TPTE2: variants seen among roughly 807,000 people sequenced by gnomAD.
TPTE2 encodes the protein phosphatidylinositol 3,4,5-trisphosphate 3-phosphatase TPTE2.
Under a neutral mutation model 78.6 loss-of-function variants are expected in TPTE2, and 53 were observed. The observed-to-expected ratio is 0.67, with a 90% CI of 0.54 to 0.85. TPTE2 has a LOEUF of 0.85. Among genes scored for constraint, TPTE2 ranks in the 40% least tolerant of loss-of-function variants. The pLI is 0.00. For missense variants in TPTE2, 461 were observed against 623.0 expected, an observed-to-expected ratio of 0.74 and a Z score of 2.77; for synonymous variants, 175 against 206.2, an observed-to-expected ratio of 0.85 and a Z score of 1.30.
At chr13:19,514,592 A>AGTGTGT (rs151110694) in intron 1 of TPTE2, among the ~76,000 whole-genome samples, 3,756 of 126,788 alleles carry the variant, frequency 0.03, 183 homozygotes, top group African/African-American at 0.073. Context: ...TACTTCTGAG[A>AGTGTGT]GTGTGTGTGT....
chr13:19,510,391 G>C (rs1490026322), intron 1 of TPTE2, among the ~76,000 whole-genome samples: 1 of 149,536 alleles, frequency 6.7e-6, no homozygotes, highest in Non-Finnish European at 1.5e-5. Flanking sequence ...GAACTGACAC[G>C]TGCAGAGATC....
chr13:19,444,487 A>C (rs1877705605), intron 13 of TPTE2, among the ~76,000 whole-genome samples: 1 of 152,148 alleles, frequency 6.6e-6, no homozygotes, highest in South Asian at 2.1e-4. Flanking sequence ...AAATCTAAGA[A>C]TAAATCTCAC....
At chr13:19,484,491 G>A (rs1424745043) in intron 3 of TPTE2, among the ~76,000 whole-genome samples, 2 of 152,128 alleles carry the variant, frequency 1.3e-5, no homozygotes, top group African/African-American at 2.4e-5. Context: ...TTTGGTCTAT[G>A]GTGGAGTTTA....
At chr13:19,536,697 C>T (rs1195178654) in exon 1 of TPTE2, 1 of 151,958 alleles carries the variant, frequency 6.6e-6, no homozygotes, top group Non-Finnish European at 1.5e-5. Flanking sequence ...AAGGATAAAC[C>T]ACAATTTATT....
the TPTE2 span, among the ~76,000 whole-genome samples, chr13:19,546,256 C>T: frequency 6.6e-6 from 1 of 151,994 alleles, no homozygotes; most frequent in African/African-American, 2.4e-5. Context: ...CATTTCCCAG[C>T]CCCTATTGGG....
upstream of TPTE2, among the ~76,000 whole-genome samples, chr13:19,540,366 G>A (rs35770706): frequency 1.3e-4 from 19 of 151,176 alleles, no homozygotes; most frequent in East Asian, 2.9e-3. Flanking sequence ...CAGTGGCGGC[G>A]TAATCTCAGC....
chr13:19,468,062 A>G (rs865864746), intron 6 of TPTE2, among the ~76,000 whole-genome samples: 24 of 77,496 alleles, frequency 3.1e-4, no homozygotes, highest in African/African-American at 1.2e-3. Context: ...TTTTTTTGAG[A>G]TGGAGTTTCA....
At chr13:19,467,444 T>A in intron 6 of TPTE2, 100 bp from the exon 10 acceptor site, 1 of 891,176 alleles carries the variant, frequency 1.1e-6, no homozygotes, top group Non-Finnish European at 1.6e-6. Context: ...CCATTAAGAA[T>A]TCTACTATCA....
chr13:19,453,848 T>G (rs183500255), intron 10 of TPTE2, among the ~76,000 whole-genome samples: 1 of 152,298 alleles, frequency 6.6e-6, no homozygotes, highest in East Asian at 1.9e-4. Flanking sequence ...TTTTTCTCAA[T>G]AGCTCAGCCT....
exon 20 of TPTE2, chr13:19,423,018 G>A: frequency 6.2e-7 from 1 of 1,602,488 alleles, no homozygotes; most frequent in Non-Finnish European, 8.5e-7. Flanking sequence ...GAAGGGGAAG[G>A]GGGAGCTATA....
intron 1 of TPTE2, among the ~76,000 whole-genome samples, chr13:19,529,315 CAG>C (rs1021263610): frequency 1.3e-4 from 20 of 152,014 alleles, no homozygotes; most frequent in African/African-American, 4.8e-4. Flanking sequence ...ATAAGAGAGA[CAG>C]AGTTTCACCA....
intron 13 of TPTE2, among the ~76,000 whole-genome samples, chr13:19,444,256 A>G (rs1877682625): frequency 7.9e-6 from 1 of 127,010 alleles, no homozygotes; most frequent in Non-Finnish European, 1.6e-5. Flanking sequence ...GTAGTGAGCC[A>G]TGATCATGCC....
At chr13:19,428,725 G>A (rs1876332134) in intron 17 of TPTE2, among the ~76,000 whole-genome samples, 1 of 150,584 alleles carries the variant, frequency 6.6e-6, no homozygotes, top group South Asian at 2.1e-4. Flanking sequence ...TGAGACCCTG[G>A]CTCAGGAAAA....
chr13:19,473,559 A>G (rs1364515536), intron 6 of TPTE2, among the ~76,000 whole-genome samples: 1 of 147,302 alleles, frequency 6.8e-6, no homozygotes, highest in Non-Finnish European at 1.5e-5. Flanking sequence ...CTCTTAAGTC[A>G]GTTTGTGGTG....
chr13:19,496,594 G>A (rs1404045597), intron 1 of TPTE2, among the ~76,000 whole-genome samples: 1 of 152,206 alleles, frequency 6.6e-6, no homozygotes, highest in African/African-American at 2.4e-5. Flanking sequence ...AACCTCATAT[G>A]TTGACAGAGC....
At chr13:19,513,484 GCA>G (rs1249214837) in intron 1 of TPTE2, among the ~76,000 whole-genome samples, 1 of 152,150 alleles carries the variant, frequency 6.6e-6, no homozygotes, top group Admixed American at 6.5e-5. Context: ...GTTGACTCCA[GCA>G]CAGATTTCTG....
At chr13:19,483,979 A>C (rs1277180564) in intron 3 of TPTE2, among the ~76,000 whole-genome samples, 1 of 120,584 alleles carries the variant, frequency 8.3e-6, no homozygotes, top group Non-Finnish European at 1.6e-5. Flanking sequence ...TCCCGTGTCC[A>C]AGTGTTCTCA....
intron 1 of TPTE2, among the ~76,000 whole-genome samples, chr13:19,518,787 A>C (rs1869962009): frequency 6.6e-6 from 1 of 152,226 alleles, no homozygotes; most frequent in Non-Finnish European, 1.5e-5. Flanking sequence ...AAAGATAATC[A>C]AACTGAAAAT....
chr13:19,539,869 G>A (rs974937807), upstream of TPTE2, among the ~76,000 whole-genome samples: 1 of 152,110 alleles, frequency 6.6e-6, no homozygotes, highest in African/African-American at 2.4e-5. Flanking sequence ...TTGGGGCCAG[G>A]CATGGTGGCT....
Sources: allele counts gnomAD v4.1 joint callset (sites outside exome capture counted in the v4.1 genomes callset), GRCh38; gene constraint gnomAD v4.1.1; transcripts MANE v1.5; gene names NCBI Gene and HGNC (gene_info 2026-07-23, HGNC 2026-07-21).